Variants in RAB31 observed in about 807,000 individuals in gnomAD.
RAB31 encodes RAB31, member RAS oncogene family.
A neutral mutation model predicts 25.6 loss-of-function variants in RAB31; 21 were observed. That is an observed-to-expected ratio of 0.82 (90% confidence interval 0.58 to 1.18). The LOEUF (loss-of-function observed/expected upper bound fraction) is 1.18. RAB31 is among the 50% of genes most tolerant of loss of function. RAB31 has a pLI of 0.00. For synonymous variants in RAB31, 87 were observed against 84.0 expected, an observed-to-expected ratio of 1.04 and a Z score of -0.20; for missense variants, 196 against 250.1, an observed-to-expected ratio of 0.78 and a Z score of 1.46.
intron 1 of RAB31, among the ~76,000 whole-genome samples, chr18:9,751,141 C>T (rs949282811): frequency 1.2e-4 from 19 of 152,214 alleles, no homozygotes; most frequent in Non-Finnish European, 2.5e-4. Context: ...TCAAACAGTC[C>T]TCCTGCCTCA....
intron 3 of RAB31, among the ~76,000 whole-genome samples, chr18:9,803,562 ATT>A (rs200807150): frequency 0.017 from 2,543 of 152,120 alleles, 66 homozygotes; most frequent in African/African-American, 0.058. Flanking sequence ...CTGAGTGATG[ATT>A]GTGTGGGGAG....
intron 1 of RAB31, among the ~76,000 whole-genome samples, chr18:9,767,102 CAGA>C (rs2068320083): frequency 6.6e-6 from 1 of 152,114 alleles, no homozygotes; most frequent in South Asian, 2.1e-4. Flanking sequence ...ATTCCAAGAC[CAGA>C]AGGAGATGCT....
At chr18:9,712,982 C>T (rs1385330387) in intron 1 of RAB31, among the ~76,000 whole-genome samples, 2 of 152,178 alleles carry the variant, frequency 1.3e-5, no homozygotes, top group African/African-American at 2.4e-5. Flanking sequence ...TTTGGTGAGA[C>T]ATCTGGGTAA....
intron 6 of RAB31, among the ~76,000 whole-genome samples, chr18:9,857,756 G>T (rs981766073): frequency 2.0e-5 from 3 of 151,824 alleles, no homozygotes; most frequent in Non-Finnish European, 2.9e-5. Context: ...GCCTAGGCCT[G>T]GTGGCTCATA....
intron 3 of RAB31, among the ~76,000 whole-genome samples, chr18:9,808,245 A>G (rs917606798): frequency 6.6e-6 from 1 of 151,918 alleles, no homozygotes; most frequent in Non-Finnish European, 1.5e-5. Flanking sequence ...AGAAAAAGAC[A>G]CCCCCTGTCA....
intron 3 of RAB31, among the ~76,000 whole-genome samples, chr18:9,811,272 C>G (rs1006059132): frequency 6.6e-6 from 1 of 152,200 alleles, no homozygotes; most frequent in Non-Finnish European, 1.5e-5. Flanking sequence ...CTCCAGAGTC[C>G]TTTCTCTTCA....
chr18:9,785,411 A>C (rs1190873275), intron 2 of RAB31, among the ~76,000 whole-genome samples: 1 of 152,078 alleles, frequency 6.6e-6, no homozygotes, highest in African/African-American at 2.4e-5. Context: ...ACATGCAAAG[A>C]TCTTATCATG....
chr18:9,719,764 C>T (rs1405896124), intron 1 of RAB31, among the ~76,000 whole-genome samples: 3 of 152,134 alleles, frequency 2.0e-5, no homozygotes, highest in South Asian at 2.1e-4. Context: ...CCACTTCACA[C>T]GATGAGTCAT....
intron 5 of RAB31, among the ~76,000 whole-genome samples, chr18:9,817,753 G>A (rs2068606257): frequency 6.6e-6 from 1 of 152,178 alleles, no homozygotes; most frequent in African/African-American, 2.4e-5. Context: ...TTATGCACAG[G>A]TACAGCATTC....
At chr18:9,823,579 G>T (rs985957034) in intron 5 of RAB31, among the ~76,000 whole-genome samples, 1 of 151,846 alleles carries the variant, frequency 6.6e-6, no homozygotes, top group Non-Finnish European at 1.5e-5. Context: ...ACGAATCTAC[G>T]GTTATCTCAG....
chr18:9,855,090 G>A (rs1221655476), intron 6 of RAB31, among the ~76,000 whole-genome samples: 2 of 152,186 alleles, frequency 1.3e-5, no homozygotes, highest in African/African-American at 4.8e-5. Context: ...AGCTAAGCTT[G>A]CTGTTTTATT....
At chr18:9,802,752 A>G (rs1170117375) in intron 3 of RAB31, among the ~76,000 whole-genome samples, 1 of 152,244 alleles carries the variant, frequency 6.6e-6, no homozygotes, top group Non-Finnish European at 1.5e-5. Flanking sequence ...GCACTGGCAC[A>G]AAGCTGTGCG....
intron 5 of RAB31, among the ~76,000 whole-genome samples, chr18:9,841,816 G>A (rs1356636262): frequency 6.6e-6 from 1 of 152,184 alleles, no homozygotes; most frequent in Non-Finnish European, 1.5e-5. Flanking sequence ...AAAGCCAAGG[G>A]AACTGCATTC....
intron 5 of RAB31, among the ~76,000 whole-genome samples, chr18:9,833,699 G>A (rs138956509): frequency 1.1e-4 from 16 of 152,158 alleles, no homozygotes; most frequent in East Asian, 1.9e-4. Flanking sequence ...TTTCATTTTC[G>A]TTTAGAAAAA....
chr18:9,819,049 T>A (rs937281656), intron 5 of RAB31, among the ~76,000 whole-genome samples: 6 of 152,202 alleles, frequency 3.9e-5, no homozygotes, highest in Non-Finnish European at 5.9e-5. Context: ...AACATGTAAT[T>A]CGCAAATATT....
At chr18:9,827,565 G>A (rs917136648) in intron 5 of RAB31, among the ~76,000 whole-genome samples, 6 of 152,020 alleles carry the variant, frequency 3.9e-5, no homozygotes, top group Admixed American at 3.3e-4. Context: ...ATGGAATCAT[G>A]GTCTCTTAAC....
chr18:9,849,698 A>T (rs1456906095), intron 6 of RAB31: 1 of 152,400 alleles, frequency 6.6e-6, no homozygotes, highest in East Asian at 1.9e-4. Context: ...TGGGTGAGGA[A>T]GGCCTCCCCG....
chr18:9,749,250 G>A (rs1318353636), intron 1 of RAB31, among the ~76,000 whole-genome samples: 5 of 152,178 alleles, frequency 3.3e-5, no homozygotes, highest in South Asian at 2.1e-4. Context: ...TGCCAGCACT[G>A]TTCTAACTGC....
At chr18:9,734,996 G>GT (rs1351638103) in intron 1 of RAB31, 3 of 220,990 alleles carry the variant, frequency 1.4e-5, no homozygotes, top group African/African-American at 2.3e-5. Context: ...GGTGGCGGTG[G>GT]TTTTTTGTTG....
Sources: gnomAD v4.1 joint callset for allele counts (sites outside exome capture counted in the v4.1 genomes callset) on GRCh38, gnomAD v4.1.1 for gene constraint, MANE v1.5 for transcripts, NCBI Gene and HGNC (gene_info 2026-07-23, HGNC 2026-07-21) for gene names.